Variants in DCC observed in about 807,000 individuals in gnomAD.
DCC encodes DCC netrin 1 receptor, also known as netrin receptor DCC.
Under a neutral mutation model 172.5 loss-of-function variants are expected in DCC, and 58 were observed. The observed-to-expected ratio is 0.34, with a 90% confidence interval of 0.27 to 0.42. DCC has a LOEUF of 0.42. Among genes scored for constraint, DCC ranks in the 10% least tolerant of loss-of-function variants. The probability of loss-of-function intolerance (pLI) is 1.00; values close to 1 mark genes in which losing one functional copy is unlikely to be tolerated. For missense variants in DCC, 1,740 were observed against 1,791.0 expected (o/e 0.97, Z 0.51); for synonymous variants, 709 against 644.5 (o/e 1.10, Z -1.52).
intron 1 of DCC, among the ~76,000 whole-genome samples, chr18:52,626,079 G>T (rs1054057930): frequency 6.6e-6 from 1 of 152,070 alleles, no homozygotes; most frequent in Non-Finnish European, 1.5e-5. Context: ...TCATTTAGAA[G>T]CTCTAATGAC....
intron 1 of DCC, among the ~76,000 whole-genome samples, chr18:52,660,038 C>T (rs542123243): frequency 3.9e-5 from 6 of 152,058 alleles, no homozygotes; most frequent in African/African-American, 4.8e-5. Context: ...TTTTTGCCTT[C>T]GAATTCCTCG....
At chr18:53,078,435 C>A (rs887122900) in intron 7 of DCC, among the ~76,000 whole-genome samples, 4 of 152,082 alleles carry the variant, frequency 2.6e-5, no homozygotes, top group African/African-American at 7.2e-5. Context: ...CATAACACAG[C>A]CAGTGCCTGA....
intron 2 of DCC, among the ~76,000 whole-genome samples, chr18:52,844,654 AAAG>A (rs1191001507): frequency 2.6e-5 from 4 of 152,328 alleles, no homozygotes; most frequent in Admixed American, 6.5e-5. Flanking sequence ...AGTTACAAAA[AAAG>A]AAGTGACACA....
chr18:52,800,278 T>C (rs1225383770), intron 2 of DCC, among the ~76,000 whole-genome samples: 2 of 151,588 alleles, frequency 1.3e-5, no homozygotes, highest in Non-Finnish European at 2.9e-5. Context: ...CAATATGACA[T>C]TCAATGTTTT....
At chr18:53,514,820 CAA>C (rs2046313738) in intron 27 of DCC, among the ~76,000 whole-genome samples, 1 of 151,842 alleles carries the variant, frequency 6.6e-6, no homozygotes, top group Non-Finnish European at 1.5e-5. Flanking sequence ...GCTTACCAAC[CAA>C]AAAGAGTCCA....
At chr18:52,968,737 T>C (rs1197189775) in intron 5 of DCC, among the ~76,000 whole-genome samples, 3 of 152,200 alleles carry the variant, frequency 2.0e-5, no homozygotes, top group African/African-American at 4.8e-5. Context: ...TAGCTAGGGA[T>C]ACCAGATAAA....
At chr18:53,518,161 C>T (rs1002484348) in intron 27 of DCC, among the ~76,000 whole-genome samples, 1 of 152,046 alleles carries the variant, frequency 6.6e-6, no homozygotes, top group South Asian at 2.1e-4. Context: ...TGAGAGAGTC[C>T]ATTTCATTTT....
At chr18:53,437,786 T>C (rs1912046522) in intron 22 of DCC, among the ~76,000 whole-genome samples, 2 of 152,218 alleles carry the variant, frequency 1.3e-5, no homozygotes, top group South Asian at 2.1e-4. Context: ...AAACATTATA[T>C]GTATTCAAGC....
At chr18:53,322,713 A>G (rs2057426792) in intron 14 of DCC, among the ~76,000 whole-genome samples, 1 of 151,678 alleles carries the variant, frequency 6.6e-6, no homozygotes, top group Non-Finnish European at 1.5e-5. Flanking sequence ...TTATATATTA[A>G]TAAATTAAAT....
chr18:52,883,725 GA>G (rs2145409510), intron 2 of DCC, among the ~76,000 whole-genome samples: 2 of 151,708 alleles, frequency 1.3e-5, no homozygotes, highest in Admixed American at 1.3e-4. Context: ...TTCTACTTAA[GA>G]GTAGTAGTTT....
chr18:53,330,515 T>C (rs1471787334), intron 14 of DCC, among the ~76,000 whole-genome samples: 1 of 152,194 alleles, frequency 6.6e-6, no homozygotes, highest in African/African-American at 2.4e-5. Context: ...TCTGGATACC[T>C]GTTTGCTCTC....
chr18:53,143,532 G>T (rs2043862098), intron 7 of DCC, among the ~76,000 whole-genome samples: 1 of 152,150 alleles, frequency 6.6e-6, no homozygotes, highest in Non-Finnish European at 1.5e-5. Context: ...GTCACCTCTG[G>T]TTCATCTTGA....
In DCC at chr18:53,418,202, A is replaced by G. The variant is rs576964135; in HGVS notation, c.3163+2046A>G. 4.2e-4 allele frequency among the ~76,000 whole-genome samples: 64 copies of G among 152,324 alleles called. No individual in the cohort carries two copies. In the South Asian group the frequency reaches 0.012, roughly 28 times the overall value. On this transcript the variant is annotated intron_variant, in intron 21 of 28. Transcript: ENST00000442544. ...ATTTTACATCAAACTCAATTCACTT[A>G]TAAAATTGAGAGGGACTGATGACAT... is the stretch of plus-strand genomic sequence containing the variant.
chr18:53,086,452 T>TTTC (rs1244590081), intron 7 of DCC, among the ~76,000 whole-genome samples: 2 of 45,656 alleles, frequency 4.4e-5, no homozygotes, highest in African/African-American at 2.6e-4. Flanking sequence ...TTCTTCTTCC[T>TTTC]TTCTTCTTCT....
At chr18:53,261,468 T>A (rs186804151) in intron 12 of DCC, among the ~76,000 whole-genome samples, 2 of 152,148 alleles carry the variant, frequency 1.3e-5, no homozygotes, top group Non-Finnish European at 2.9e-5. Flanking sequence ...GTCATACTTA[T>A]GTCTTTCCTC....
chr18:53,107,661 T>C (rs1729118901), intron 7 of DCC, among the ~76,000 whole-genome samples: 1 of 151,726 alleles, frequency 6.6e-6, no homozygotes, highest in Non-Finnish European at 1.5e-5. Flanking sequence ...ATTAAGAAAT[T>C]AAACTGTTCA....
At chr18:53,339,483 C>T (rs2057630885) in intron 14 of DCC, among the ~76,000 whole-genome samples, 1 of 152,128 alleles carries the variant, frequency 6.6e-6, no homozygotes, top group Admixed American at 6.6e-5. Flanking sequence ...TTGATGCTAC[C>T]TACCATGCCC....
At chr18:53,256,788 T>C (rs1426817755) in intron 12 of DCC, among the ~76,000 whole-genome samples, 2 of 152,236 alleles carry the variant, frequency 1.3e-5, no homozygotes, top group East Asian at 1.9e-4. Flanking sequence ...ATTGAATCTA[T>C]AAATTACCTT....
chr18:53,529,775 A>C (rs1485956708), intron 28 of DCC, among the ~76,000 whole-genome samples: 1 of 152,166 alleles, frequency 6.6e-6, no homozygotes, highest in African/African-American at 2.4e-5. Flanking sequence ...TCCTAAGCCT[A>C]GCGACCTGGT....
Sources: allele counts gnomAD v4.1 joint callset (sites outside exome capture counted in the v4.1 genomes callset), GRCh38; gene constraint gnomAD v4.1.1; transcripts MANE v1.5; gene names NCBI Gene and HGNC (gene_info 2026-07-23, HGNC 2026-07-21).